The following PIK3CB variants were observed in gnomAD, a reference collection of about 807,000 sequenced individuals.
PIK3CB encodes phosphatidylinositol 4,5-bisphosphate 3-kinase catalytic subunit beta isoform.
PIK3CB carries 39 observed loss-of-function variants against 136.8 expected under a neutral mutation model. The observed-to-expected ratio is 0.29, with a 90% CI of 0.22 to 0.37. The LOEUF (loss-of-function observed/expected upper bound fraction) is 0.37, where lower values mean the gene tolerates loss of function less well. Ranked by LOEUF, PIK3CB falls within the 10% of genes least tolerant of loss-of-function variation. The pLI, the probability that PIK3CB is intolerant of heterozygous loss-of-function variation, is 1.00. For missense variants in PIK3CB, 868 were observed against 1,275.4 expected (o/e 0.68, Z 4.87); for synonymous variants, 428 against 436.6 (o/e 0.98, Z 0.25).
At position 138,758,662 on chromosome 3, in the gene PIK3CB, G is replaced by A. The variant is rs139057746; in HGVS notation, c.171+511C>T. Among the ~76,000 whole-genome samples the A allele has an allele frequency of 7.0e-3, 1,061 of 152,244 alleles. 7 individuals are homozygous for A. The highest frequency in any genetic ancestry group is 0.011 in the Non-Finnish European group (762 of 68,008). Reference sequence around the variant, plus strand: ...ATAAATATGTTTTCTTAAAAATACCGTAACTCCTGATATTCACATTGGGTT... The same window carrying A: ...ATAAATATGTTTTCTTAAAAATACCATAACTCCTGATATTCACATTGGGTT... On this transcript the variant is annotated intron_variant, in intron 3 of 23. Transcript: ENST00000674063.
chr3:138,773,808 A>G (rs1166753903), intron 2 of PIK3CB, among the ~76,000 whole-genome samples: 1 of 152,326 alleles, frequency 6.6e-6, no homozygotes, highest in East Asian at 1.9e-4. Flanking sequence ...AATGTATTTC[A>G]TCCCCACAGT....
chr3:138,742,505 G>T, intron 5 of PIK3CB, 53 bp downstream of exon 5: 2 of 873,784 alleles, frequency 2.3e-6, no homozygotes, highest in South Asian at 1.7e-5. Flanking sequence ...GTTGTATTCG[G>T]GTAAAAATGA....
chr3:138,654,498 C>T lies in PIK3CB; in HGVS notation c.*891G>A, dbSNP rs1322484137. ...CCATAAATAGGTTTCTTTTCATTTG[C>T]TTGCTTTCTTGGATACATTTGCTCA... On this transcript the variant is annotated 3_prime_UTR_variant, in exon 24 of 24. Transcript: ENST00000674063. 2.2e-5 allele frequency: 5 copies of T among 227,510 alleles called. No homozygotes were observed. The highest frequency in any genetic ancestry group is 4.4e-5 in the Non-Finnish European group (5 of 114,694). The allele number at this position is 227,510 out of a possible 1,614,324, so 14.1% of individuals were successfully genotyped here. A position where few individuals can be genotyped will look rare whatever the true frequency, so the allele number is the denominator to read the frequency against.
At chr3:138,706,401 T>C (rs1293757866) in intron 11 of PIK3CB, among the ~76,000 whole-genome samples, 1 of 152,160 alleles carries the variant, frequency 6.6e-6, no homozygotes, top group African/African-American at 2.4e-5. Context: ...AGAAATGAAG[T>C]CCTTACTATA....
intron 8 of PIK3CB, among the ~76,000 whole-genome samples, chr3:138,723,910 T>C (rs2044783944): frequency 6.6e-6 from 1 of 152,174 alleles, no homozygotes; most frequent in Non-Finnish European, 1.5e-5. Flanking sequence ...GAAATTCCCA[T>C]GTTTTGGGAA....
intron 13 of PIK3CB, among the ~76,000 whole-genome samples, chr3:138,698,639 A>T (rs2044185980): frequency 6.6e-6 from 1 of 152,194 alleles, no homozygotes; most frequent in South Asian, 2.1e-4. Context: ...CGTCTTAGAA[A>T]GTGGTACTTT....
At chr3:138,717,570 T>C (rs1471718568) in intron 8 of PIK3CB, among the ~76,000 whole-genome samples, 1 of 152,060 alleles carries the variant, frequency 6.6e-6, no homozygotes, top group Non-Finnish European at 1.5e-5. Context: ...TGGGGGTACA[T>C]GTGAAGGTTC....
chr3:138,682,123 G>A, intron 18 of PIK3CB, 78 bp from the exon 19 acceptor site: 1 of 797,458 alleles, frequency 1.3e-6, no homozygotes, highest in Admixed American at 2.4e-5. Context: ...GACTAACTCA[G>A]AATTAACTAA....
chr3:138,746,610 G>A (rs1456281483), intron 4 of PIK3CB, among the ~76,000 whole-genome samples: 2 of 151,882 alleles, frequency 1.3e-5, no homozygotes, highest in South Asian at 2.1e-4. Context: ...GCAGTGAGCC[G>A]AGATCACGCC....
intron 1 of PIK3CB, among the ~76,000 whole-genome samples, chr3:138,814,298 T>C (rs1387720989): frequency 6.6e-6 from 1 of 151,758 alleles, no homozygotes; most frequent in Admixed American, 6.6e-5. Flanking sequence ...ACCAAAATGG[T>C]GAAACCACAA....
At chr3:138,728,564 T>C (rs1343986727) in intron 8 of PIK3CB, among the ~76,000 whole-genome samples, 1 of 151,580 alleles carries the variant, frequency 6.6e-6, no homozygotes, top group East Asian at 1.9e-4. Flanking sequence ...GATCATGAGG[T>C]CAGGAGATCG....
chr3:138,694,982 AC>A (rs1280074961), intron 13 of PIK3CB, 75 bp from the exon 14 acceptor site: 11 of 1,422,976 alleles, frequency 7.7e-6, no homozygotes, highest in Non-Finnish European at 9.5e-6. Context: ...ACACAGGAGC[AC>A]CAAGATAGGT....
At chr3:138,778,296 C>T in intron 2 of PIK3CB, 1 of 373,616 alleles carries the variant, frequency 2.7e-6, no homozygotes, top group Non-Finnish European at 5.3e-6. Flanking sequence ...TGCTTAGCAC[C>T]ACTGGCCAAG....
intron 19 of PIK3CB, among the ~76,000 whole-genome samples, 180 bp downstream of exon 19, chr3:138,681,787 T>C (rs576627139): frequency 6.0e-4 from 92 of 152,342 alleles, no homozygotes; most frequent in African/African-American, 2.2e-3. Context: ...TGTGTAGTTT[T>C]AAACTGAAAA....
chr3:138,777,237 G>A (rs1211144068), intron 2 of PIK3CB, among the ~76,000 whole-genome samples: 7 of 152,118 alleles, frequency 4.6e-5, no homozygotes, highest in African/African-American at 4.8e-5. Context: ...TCAGGTGCAC[G>A]ATCCCTCTCC....
chr3:138,792,522 C>T (rs774152247), intron 2 of PIK3CB, among the ~76,000 whole-genome samples: 7 of 152,080 alleles, frequency 4.6e-5, no homozygotes, highest in Non-Finnish European at 8.8e-5. Context: ...TGCAGGCATT[C>T]GCCACCATGC....
chr3:138,733,146 T>A (rs2045024432), intron 8 of PIK3CB, among the ~76,000 whole-genome samples: 1 of 151,564 alleles, frequency 6.6e-6, no homozygotes, highest in African/African-American at 2.4e-5. Context: ...TTCCAGTAGA[T>A]CTCTAATGAT....
rs1169158759 is a variant in PIK3CB, at chr3:138,684,677, G to A, written c.2263C>T (p.Leu755Phe). 1 of 1,613,856 alleles carries A rather than the reference G, an allele frequency of 6.2e-7. No individual in the cohort carries two copies. Among genetic ancestry groups the A allele is most frequent in the Non-Finnish European group, 8.5e-7 (1 of 1,179,936 alleles). Residue 755 changes from leucine (L) to phenylalanine (F), a missense_variant, in exon 17 of 24, where the codon CTC becomes TTC. Leu to Phe is a conservative substitution (Grantham distance 22). Transcript: ENST00000674063. Reference protein sequence around the residue: ...CLKQSAYREALSDLQSPLNPC... With the variant: ...CLKQSAYREAFSDLQSPLNPC... ...TTCAGGGGTGACTGCAGGTCAGAGA[G>A]GGCTTCCCGGTAAGCACTCTGTTTT... is the stretch of plus-strand genomic sequence containing the variant.
At chr3:138,749,079 T>C (rs2045419575) in intron 4 of PIK3CB, among the ~76,000 whole-genome samples, 1 of 152,180 alleles carries the variant, frequency 6.6e-6, no homozygotes, top group Admixed American at 6.5e-5. Flanking sequence ...TGGAATAAAA[T>C]ACATTACTCT....
Sources: gnomAD v4.1 joint callset for allele counts (sites outside exome capture counted in the v4.1 genomes callset) on GRCh38, gnomAD v4.1.1 for gene constraint, MANE v1.5 for transcripts, NCBI Gene and HGNC (gene_info 2026-07-23, HGNC 2026-07-21) for gene names.